Variants in MRTFA observed in about 807,000 individuals in gnomAD.
MRTFA encodes the protein myocardin related transcription factor A.
Under a neutral mutation model 83.5 loss-of-function variants are expected in MRTFA, and 20 were observed. That is an observed-to-expected ratio of 0.24 (90% CI 0.17 to 0.35). The LOEUF (loss-of-function observed/expected upper bound fraction) is 0.35, where lower values mean the gene tolerates loss of function less well. Ranked by LOEUF, MRTFA falls within the 10% of genes least tolerant of loss-of-function variation. The pLI, the probability that MRTFA is intolerant of heterozygous loss-of-function variation, is 1.00. For synonymous variants in MRTFA, 659 were observed against 541.2 expected, an observed-to-expected ratio of 1.22 and a Z score of -3.02; for missense variants, 1,200 against 1,224.7, an observed-to-expected ratio of 0.98 and a Z score of 0.30.
intron 3 of MRTFA, among the ~76,000 whole-genome samples, chr22:40,518,530 A>C: frequency 6.6e-6 from 1 of 152,062 alleles, no homozygotes; most frequent in Non-Finnish European, 1.5e-5. Context: ...ACGGTGGCTC[A>C]CGCCTGTAAT....
At chr22:40,527,629 G>T (rs2055000247) in intron 3 of MRTFA, among the ~76,000 whole-genome samples, 1 of 151,506 alleles carries the variant, frequency 6.6e-6, no homozygotes, top group Non-Finnish European at 1.5e-5. Flanking sequence ...CATGGTGGTG[G>T]GCGCCTGTAG....
rs150201197 is a variant in MRTFA at position 40,630,778 on chromosome 22, T to C, written c.-84+5700A>G. On this transcript the variant is annotated intron_variant, in intron 1 of 14. Transcript: ENST00000355630. The stretch of plus-strand genomic sequence containing the variant: ...AGCACAGTGGTGTGATCACAGCTCA[T>C]TGCAGCCTCAAACTCCTGGGCTCAA... 9.6e-3 allele frequency among the ~76,000 whole-genome samples: 1,465 copies of C among 152,280 alleles called. 28 individuals carry two copies. Among genetic ancestry groups the C allele is most frequent in the African/African-American group, 0.034 (1,399 of 41,542 alleles).
At chr22:40,587,458 A>G (rs543345895) in intron 2 of MRTFA, 45 of 338,264 alleles carry the variant, frequency 1.3e-4, no homozygotes, top group African/African-American at 8.3e-4. Flanking sequence ...GCTGAGAGGC[A>G]TAGCCCTTTT....
intron 1 of MRTFA, among the ~76,000 whole-genome samples, chr22:40,600,556 A>G (rs920844564): frequency 7.9e-5 from 12 of 152,244 alleles, no homozygotes; most frequent in African/African-American, 2.7e-4. Flanking sequence ...ACCTGTATAT[A>G]TTAAAAAGGG....
rs2052491252 is a variant in MRTFA, at chr22:40,410,680, CTG to C, written c.*708_*709del. ...TGGGCCTGGGTAGCTGCATGCCAGA[CTG>C]GGCACCAGACTGTGGCACACAGCTC... On this transcript the variant is annotated 3_prime_UTR_variant, in exon 15 of 15. Transcript: ENST00000355630. 4.3e-6 allele frequency: 1 copy of C among 233,250 alleles called. No homozygotes were observed. Among genetic ancestry groups the C allele is most frequent in the Admixed American group, 5.6e-5 (1 of 17,768 alleles). 14.4% of individuals were successfully genotyped at this position (233,250 alleles called of 1,614,324 possible). A position where few individuals can be genotyped will look rare whatever the true frequency, so the allele number is the denominator to read the frequency against.
chr22:40,518,594 T>G (rs555587533), intron 3 of MRTFA, among the ~76,000 whole-genome samples: 1 of 151,408 alleles, frequency 6.6e-6, no homozygotes, highest in Non-Finnish European at 1.5e-5. Context: ...AAGATCGAGA[T>G]CATCCTGGCT....
At chr22:40,543,677 T>G (rs2055323825) in intron 3 of MRTFA, among the ~76,000 whole-genome samples, 2 of 152,204 alleles carry the variant, frequency 1.3e-5, no homozygotes, top group African/African-American at 4.8e-5. Flanking sequence ...TAAAGATGTG[T>G]AAGATCATCA....
At chr22:40,619,526 G>A (rs1032116716) in intron 1 of MRTFA, among the ~76,000 whole-genome samples, 7 of 152,064 alleles carry the variant, frequency 4.6e-5, no homozygotes, top group African/African-American at 1.5e-4. Flanking sequence ...CATACTGAAG[G>A]TACAGCCTGG....
Position 40,416,052 on chromosome 22 carries a change from A to G in MRTFA, c.2578+934T>C, listed in dbSNP as rs891410501. Among the ~76,000 whole-genome samples, 4 of 152,156 alleles carry G rather than the reference A, an allele frequency of 2.6e-5. No individual in the cohort carries two copies. Among genetic ancestry groups the G allele is most frequent in the African/African-American group, 9.7e-5 (4 of 41,428 alleles). On this transcript the variant is annotated intron_variant, in intron 14 of 14. Transcript: ENST00000355630. This position sits in a 1 kb window ranked among gnomAD's most constrained non-coding sequence, Gnocchi z 4.2. ...CTCTCACAAATGCCACTTGATGTCA[A>G]CTGTCCCTGTGAACCCTCCATTCGG...
chr22:40,530,287 T>C (rs1472069292), intron 3 of MRTFA, among the ~76,000 whole-genome samples: 1 of 152,170 alleles, frequency 6.6e-6, no homozygotes, highest in African/African-American at 2.4e-5. Context: ...GTCCATCTTA[T>C]TTGTTTTGTT....
intron 4 of MRTFA, among the ~76,000 whole-genome samples, chr22:40,446,031 G>T (rs2053371106): frequency 6.6e-6 from 1 of 152,096 alleles, no homozygotes; most frequent in Admixed American, 6.6e-5. Flanking sequence ...AAACATTTTT[G>T]GCAAGAAGAA....
chr22:40,592,186 T>G (rs2056130093), intron 2 of MRTFA, among the ~76,000 whole-genome samples: 1 of 145,106 alleles, frequency 6.9e-6, no homozygotes, highest in Admixed American at 7.2e-5. Flanking sequence ...CCCAACACTT[T>G]GGGAGGCCGG....
At chr22:40,549,591 GA>G (rs1357794452) in intron 3 of MRTFA, among the ~76,000 whole-genome samples, 1 of 152,172 alleles carries the variant, frequency 6.6e-6, no homozygotes, top group African/African-American at 2.4e-5. Flanking sequence ...ACAAGGTGGG[GA>G]AAGTTCTGGA....
intron 2 of MRTFA, among the ~76,000 whole-genome samples, chr22:40,593,660 T>G (rs1421091889): frequency 6.6e-6 from 1 of 152,202 alleles, no homozygotes; most frequent in Admixed American, 6.5e-5. Flanking sequence ...CCATGTTCCT[T>G]CTGCTATAGG....
At chr22:40,529,531 G>A (rs2055038846) in intron 3 of MRTFA, among the ~76,000 whole-genome samples, 1 of 151,978 alleles carries the variant, frequency 6.6e-6, no homozygotes, top group Non-Finnish European at 1.5e-5. Context: ...TGGCAAGGCT[G>A]GTCTCGAACT....
chr22:40,542,793 A>T (rs186674526), intron 3 of MRTFA, among the ~76,000 whole-genome samples: 1 of 152,260 alleles, frequency 6.6e-6, no homozygotes, highest in African/African-American at 2.4e-5. Flanking sequence ...TTTCAGTAAT[A>T]TGAAAAAAGC....
chr22:40,483,203 G>A (rs1200812959), intron 3 of MRTFA, among the ~76,000 whole-genome samples: 1 of 151,954 alleles, frequency 6.6e-6, no homozygotes, highest in Admixed American at 6.6e-5. Context: ...TAGGACTGCA[G>A]GCGCTCTCCA....
intron 1 of MRTFA, among the ~76,000 whole-genome samples, chr22:40,620,664 A>C (rs1422894016): frequency 2.0e-5 from 3 of 152,102 alleles, no homozygotes; most frequent in Non-Finnish European, 4.4e-5. Context: ...CCTCTTAGTC[A>C]TGCTGAAGGG....
At chr22:40,629,250 C>T (rs1396433708) in intron 1 of MRTFA, among the ~76,000 whole-genome samples, 6 of 151,654 alleles carry the variant, frequency 4.0e-5, no homozygotes, top group Non-Finnish European at 7.4e-5. Context: ...TTGAGACCAG[C>T]CTGTCCAATA....
Sources: allele counts gnomAD v4.1 joint callset (sites outside exome capture counted in the v4.1 genomes callset), GRCh38; gene constraint gnomAD v4.1.1; non-coding constraint Gnocchi (gnomAD v3.1); transcripts MANE v1.5; gene names NCBI Gene and HGNC (gene_info 2026-07-23, HGNC 2026-07-21).